C16orf87: variants seen among roughly 807,000 people sequenced by gnomAD.
C16orf87 encodes the protein UPF0547 protein C16orf87.
C16orf87 carries 13 observed loss-of-function variants against 21.0 expected under a neutral mutation model. That is an observed-to-expected ratio of 0.62 (90% CI 0.40 to 0.98). C16orf87 has a LOEUF of 0.98. C16orf87 is among the 50% of genes least tolerant of loss of function. The probability of loss-of-function intolerance (pLI) is 0.00; values close to 1 mark genes in which losing one functional copy is unlikely to be tolerated. For synonymous variants in C16orf87, 49 were observed against 60.2 expected (o/e 0.81, Z 0.86); for missense variants, 113 against 180.4 (o/e 0.63, Z 2.14).
At chr16:46,804,803 T>C (rs1967877984) in intron 3 of C16orf87, among the ~76,000 whole-genome samples, 1 of 152,216 alleles carries the variant, frequency 6.6e-6, no homozygotes, top group Non-Finnish European at 1.5e-5. Flanking sequence ...CTGATTTCTA[T>C]TACCACAGAA....
In C16orf87 at chr16:46,797,403, A is replaced by G. The variant is rs1322376967; in HGVS notation, c.*5549T>C. ...AGCTCTGTCACTCAGGCTGGAGTGG[A>G]GTGGAGTGATCTTGGCTCACTGCAA... is the stretch of plus-strand genomic sequence containing the variant. On this transcript the variant is annotated 3_prime_UTR_variant, in exon 4 of 4. Coordinates refer to ENST00000285697, the MANE Select transcript of C16orf87 (RefSeq NM_001001436.4). 1 of 152,142 alleles carries G rather than the reference A, an allele frequency of 6.6e-6. No homozygotes were observed. Among genetic ancestry groups the G allele is most frequent in the African/African-American group, 2.4e-5 (1 of 41,392 alleles). The allele number at this position is 152,142 out of a possible 1,614,324, so 9.4% of individuals were successfully genotyped here.
chr16:46,821,566 A>C (rs1959414350), intron 2 of C16orf87, among the ~76,000 whole-genome samples: 1 of 152,224 alleles, frequency 6.6e-6, no homozygotes, highest in Non-Finnish European at 1.5e-5. Context: ...AAATCTCAGG[A>C]AACTCCAAAT....
At chr16:46,820,468 C>T (rs1403641193) in intron 2 of C16orf87, among the ~76,000 whole-genome samples, 1 of 152,122 alleles carries the variant, frequency 6.6e-6, no homozygotes, top group Non-Finnish European at 1.5e-5. Context: ...TATTGTTTTG[C>T]AGTTTTTCCT....
chr16:46,827,524 T>A (rs1026882863), intron 1 of C16orf87, among the ~76,000 whole-genome samples: 2 of 152,108 alleles, frequency 1.3e-5, no homozygotes, highest in African/African-American at 2.4e-5. Context: ...TTCACTTTTT[T>A]AAAAAAAGAT....
chr16:46,820,532 A>T (rs1959377110), intron 2 of C16orf87, among the ~76,000 whole-genome samples: 1 of 152,204 alleles, frequency 6.6e-6, no homozygotes, highest in Non-Finnish European at 1.5e-5. Context: ...AATCTGTATC[A>T]TTCTTTCAAA....
intron 2 of C16orf87, 143 bp from the exon 3 acceptor site, chr16:46,809,928 T>C (rs1968035979): frequency 5.6e-6 from 3 of 538,110 alleles, no homozygotes; most frequent in Admixed American, 3.5e-5. Context: ...ATAACATATA[T>C]GTCTCCCCCA....
chr16:46,826,860 C>G (rs544017847), intron 1 of C16orf87, among the ~76,000 whole-genome samples: 2 of 152,188 alleles, frequency 1.3e-5, no homozygotes, highest in Admixed American at 6.5e-5. Flanking sequence ...ATCCAAAATA[C>G]GCAAATGCAT....
rs775990948 is a variant in C16orf87, at chr16:46,831,087, T to G, written c.63A>C (p.Gln21His). 5 of 1,568,078 alleles carry G rather than the reference T, an allele frequency of 3.2e-6. No homozygotes were observed. The highest frequency in any genetic ancestry group is 4.3e-6 in the Non-Finnish European group (5 of 1,155,426). Residue 21 changes from glutamine (Q) to histidine (H), a missense_variant, in exon 1 of 4, where the codon CAA becomes CAC. Coordinates refer to ENST00000285697, the MANE Select transcript of C16orf87 (RefSeq NM_001001436.4). ...MATKSCPECD[Q>H]QVPVACKSCP... is the part of the protein sequence containing the mutation. ...GCGCCCGGCCCCCGGCACCCACCTG[T>G]TGGTCGCACTCGGGGCATGATTTGG...
intron 2 of C16orf87, among the ~76,000 whole-genome samples, chr16:46,819,503 T>A (rs1233777956): frequency 6.6e-6 from 1 of 150,666 alleles, no homozygotes; most frequent in African/African-American, 2.4e-5. Context: ...AGAGACGGGA[T>A]TTCACCATGT....
intron 2 of C16orf87, among the ~76,000 whole-genome samples, chr16:46,817,997 T>A (rs960076603): frequency 2.6e-5 from 4 of 151,668 alleles, no homozygotes; most frequent in Non-Finnish European, 5.9e-5. Flanking sequence ...AGCACTTTTA[T>A]GCAATTAGCA....
At chr16:46,830,876 G>C (rs116098523) in intron 1 of C16orf87, 1 of 370,270 alleles carries the variant, frequency 2.7e-6, no homozygotes, top group African/African-American at 2.1e-5. Context: ...TCTGGCCGCC[G>C]CCAGGTGGAC....
At position 46,801,873 on chromosome 16, in the gene C16orf87, G is replaced by A. The variant is rs1967788391; in HGVS notation, c.*1079C>T. On this transcript the variant is annotated 3_prime_UTR_variant, in exon 4 of 4. Coordinates refer to ENST00000285697, the MANE Select transcript of C16orf87 (RefSeq NM_001001436.4). ...AAGAGCGACTGAAAATAAGGGGAGTGATTACCAAGTTTGAATATGTTAATC... is the reference window on the plus strand; with the variant it reads ...AAGAGCGACTGAAAATAAGGGGAGTAATTACCAAGTTTGAATATGTTAATC... The A allele has an allele frequency of 6.6e-6, 1 of 152,092 alleles. No individual in the cohort carries two copies. The highest frequency in any genetic ancestry group is 2.1e-4 in the South Asian group (1 of 4,828). 9.4% of individuals were successfully genotyped at this position (152,092 alleles called of 1,614,324 possible). A position where few individuals can be genotyped will look rare whatever the true frequency, so the allele number is the denominator to read the frequency against.
intron 1 of C16orf87, among the ~76,000 whole-genome samples, chr16:46,830,433 A>C (rs1413025552): frequency 6.6e-6 from 1 of 152,204 alleles, no homozygotes; most frequent in African/African-American, 2.4e-5. Flanking sequence ...GGGCTTAAAC[A>C]GGGGCTTTAT....
rs1221572461 is a variant in C16orf87 at position 46,802,903 on chromosome 16, T to C, written c.*49A>G. 1 of 864,182 alleles carries C rather than the reference T, an allele frequency of 1.2e-6. No homozygotes were observed. The highest frequency in any genetic ancestry group is 2.4e-5 in the East Asian group (1 of 41,494). 53.5% of individuals were successfully genotyped at this position (864,182 alleles called of 1,614,324 possible). A position where few individuals can be genotyped will look rare whatever the true frequency, so the allele number is the denominator to read the frequency against. On this transcript the variant is annotated 3_prime_UTR_variant, in exon 4 of 4. Coordinates refer to ENST00000285697, the MANE Select transcript of C16orf87 (RefSeq NM_001001436.4). ...TGAGAGTCCATAACTGTTTGAGAAT[T>C]TGCTGATGTTATCCTGACAGAAGTT...
chr16:46,828,000 T>C (rs1959688776), intron 1 of C16orf87, among the ~76,000 whole-genome samples: 1 of 151,906 alleles, frequency 6.6e-6, no homozygotes, highest in African/African-American at 2.4e-5. Context: ...AGTGGTGCGA[T>C]CTCGGCTCAC....
intron 3 of C16orf87, among the ~76,000 whole-genome samples, chr16:46,805,334 A>T (rs1005711517): frequency 6.6e-6 from 1 of 151,924 alleles, no homozygotes; most frequent in Non-Finnish European, 1.5e-5. Context: ...AGTTTCTGGA[A>T]CCTTTCTTCA....
chr16:46,824,450 A>G lies in C16orf87; in HGVS notation c.99T>C (p.Gly33=). 1 of 1,578,068 alleles carries G rather than the reference A, an allele frequency of 6.3e-7. No individual in the cohort carries two copies. The highest frequency in any genetic ancestry group is 1.2e-5 in the South Asian group (1 of 86,120). Residue 33 remains glycine, a synonymous_variant, in exon 2 of 4, where the codon GGT becomes GGC. Transcript: ENST00000285697. ...AAAGTTTTCTGCTAATAAATATGTA[A>G]CCACAAGGACATGATTTACATGCAA... ...VPVACKSCPC[G]YIFISRKLLN...
Position 46,797,128 on chromosome 16 carries a change from G to C in C16orf87, c.*5824C>G, listed in dbSNP as rs1280521614. On this transcript the variant is annotated 3_prime_UTR_variant, in exon 4 of 4. Coordinates refer to ENST00000285697, the MANE Select transcript of C16orf87 (RefSeq NM_001001436.4). ...CAAAATAAAGACATTCTCAGATGAA[G>C]AAAAAATAAGAGAATTAAATGTCAA... 1 of 152,014 alleles carries C rather than the reference G, an allele frequency of 6.6e-6. No individual in the cohort carries two copies. The highest frequency in any genetic ancestry group is 1.5e-5 in the Non-Finnish European group (1 of 67,992). The allele number at this position is 152,014 out of a possible 1,614,324, so 9.4% of individuals were successfully genotyped here. A position where few individuals can be genotyped will look rare whatever the true frequency, so the allele number is the denominator to read the frequency against.
Position 46,824,450 on chromosome 16 carries a change from A to T in C16orf87, c.99T>A (p.Gly33=), listed in dbSNP as rs553924866. Residue 33 remains glycine (G), a synonymous_variant, in exon 2 of 4, where the codon GGT becomes GGA. Transcript: ENST00000285697. The part of the protein sequence containing the change: ...VPVACKSCPC[G]YIFISRKLLN... ...AAAGTTTTCTGCTAATAAATATGTA[A>T]CCACAAGGACATGATTTACATGCAA... The T allele has an allele frequency of 3.0e-5, 48 of 1,578,064 alleles. No individual in the cohort carries two copies. The South Asian group carries it at 5.5e-4, about 18-fold the overall frequency.
Sources: allele counts gnomAD v4.1 joint callset (sites outside exome capture counted in the v4.1 genomes callset), GRCh38; gene constraint gnomAD v4.1.1; transcripts MANE v1.5; gene names NCBI Gene and HGNC (gene_info 2026-07-23, HGNC 2026-07-21).